Variants in SLC30A4 observed in about 807,000 individuals in gnomAD.
SLC30A4 encodes solute carrier family 30 member 4, also known as probable proton-coupled zinc antiporter SLC30A4.
In SLC30A4, 20 loss-of-function variants were observed where a neutral mutation model predicts 41.7. The observed-to-expected ratio is 0.48, with a 90% CI of 0.34 to 0.70. The LOEUF is 0.70. SLC30A4 is among the 30% of genes least tolerant of loss of function. The pLI, the probability that SLC30A4 is intolerant of heterozygous loss-of-function variation, is 0.01. For missense variants in SLC30A4, 441 were observed against 529.3 expected (o/e 0.83, Z 1.64); for synonymous variants, 181 against 195.9 (o/e 0.92, Z 0.64).
intron 2 of SLC30A4, among the ~76,000 whole-genome samples, chr15:45,513,075 G>A (rs1362883211): frequency 6.6e-6 from 1 of 151,932 alleles, no homozygotes; most frequent in Admixed American, 6.6e-5. Flanking sequence ...TGAGGCAGGC[G>A]GATCACCTGA....
intron 3 of SLC30A4, among the ~76,000 whole-genome samples, chr15:45,496,746 T>C (rs1321442635): frequency 6.6e-6 from 1 of 151,808 alleles, no homozygotes; most frequent in Non-Finnish European, 1.5e-5. Flanking sequence ...CTACAATCCC[T>C]GCACTTTGGG....
At chr15:45,485,815 G>A (rs1483041480) in intron 7 of SLC30A4, among the ~76,000 whole-genome samples, 2 of 151,546 alleles carry the variant, frequency 1.3e-5, no homozygotes, top group Non-Finnish European at 2.9e-5. Flanking sequence ...TGTCCTGAGT[G>A]CAAGCAATTC....
At chr15:45,517,142 ACT>A (rs1274161159) in intron 2 of SLC30A4, among the ~76,000 whole-genome samples, 2 of 151,004 alleles carry the variant, frequency 1.3e-5, no homozygotes, top group East Asian at 1.9e-4. Flanking sequence ...ACTTTGAAAT[ACT>A]CTCTTTTTTA....
intron 1 of SLC30A4, 34 bp downstream of exon 1, chr15:45,522,573 G>C (rs904547394): frequency 8.2e-6 from 4 of 485,676 alleles, no homozygotes; most frequent in Admixed American, 3.8e-5. Context: ...GCTCCGCCGG[G>C]GCTCCGCGAG....
chr15:45,494,514 A>G (rs569665585), intron 3 of SLC30A4, among the ~76,000 whole-genome samples: 21 of 152,064 alleles, frequency 1.4e-4, no homozygotes, highest in African/African-American at 4.1e-4. Flanking sequence ...GCAAAACCCC[A>G]TCTCTACTAA....
At chr15:45,508,876 CTTCT>C (rs1291456745) in intron 3 of SLC30A4, among the ~76,000 whole-genome samples, 1 of 152,124 alleles carries the variant, frequency 6.6e-6, no homozygotes, top group African/African-American at 2.4e-5. Context: ...ACACTAAGTA[CTTCT>C]TTAATATTTA....
intron 3 of SLC30A4, among the ~76,000 whole-genome samples, chr15:45,510,467 C>T (rs1480307710): frequency 3.9e-5 from 6 of 152,144 alleles, no homozygotes; most frequent in Non-Finnish European, 7.3e-5. Context: ...TAAATGTCAA[C>T]TTTTGGGTTC....
At position 45,483,583 on chromosome 15, in the gene SLC30A4, CACAT is replaced by C. The variant is rs1288405965; in HGVS notation, c.*1576_*1579del. On this transcript the variant is annotated 3_prime_UTR_variant, in exon 8 of 8. Transcript: ENST00000261867. ...TCCCTATCTAGTGCTTTAAAACACA[CACAT>C]ACAGGCCAGGCATGGTGGCTCATGC... is the stretch of plus-strand genomic sequence containing the variant. The C allele has an allele frequency of 6.6e-6, 1 of 152,098 alleles. No homozygotes were observed. The highest frequency in any genetic ancestry group is 1.5e-5 in the Non-Finnish European group (1 of 68,010). 9.4% of individuals were successfully genotyped at this position (152,098 alleles called of 1,614,324 possible).
chr15:45,520,994 G>A (rs946455124), intron 2 of SLC30A4: 9 of 466,268 alleles, frequency 1.9e-5, no homozygotes, highest in African/African-American at 1.4e-4. Context: ...CATGGCTGAA[G>A]CGAGCCCTGG....
rs58217872 is a variant in SLC30A4 at position 45,507,321 on chromosome 15, A to AAAATAAATAAATAAAT, written c.538+3801_538+3816dup. ...GGTGACACAGTGAGACTCTGTCTCA[A>AAAATAAATAAATAAAT]AAATAAATAAATAAATAAATAAATA... On this transcript the variant is annotated intron_variant, in intron 3 of 7. Transcript: ENST00000261867. Among the ~76,000 whole-genome samples, 108 of 141,022 alleles carry AAAATAAATAAATAAAT rather than the reference A, an allele frequency of 7.7e-4. 1 individual carries two copies. Among genetic ancestry groups the AAAATAAATAAATAAAT allele is most frequent in the East Asian group, 2.0e-3 (10 of 4,880 alleles). The allele number at this position is 141,022 out of a possible 152,430, so 92.5% of individuals were successfully genotyped here.
intron 3 of SLC30A4, among the ~76,000 whole-genome samples, chr15:45,501,494 G>A (rs548423530): frequency 2.1e-4 from 32 of 152,070 alleles, no homozygotes; most frequent in African/African-American, 7.2e-4. Flanking sequence ...GCCTGAATAC[G>A]CAAATTTATG....
At chr15:45,513,450 C>G (rs1892360853) in intron 2 of SLC30A4, among the ~76,000 whole-genome samples, 2 of 148,416 alleles carry the variant, frequency 1.3e-5, no homozygotes, top group African/African-American at 5.0e-5. Context: ...TTTTAATTAA[C>G]CTAAACTTAA....
At chr15:45,514,960 G>T (rs2140856345) in intron 2 of SLC30A4, among the ~76,000 whole-genome samples, 1 of 151,806 alleles carries the variant, frequency 6.6e-6, no homozygotes, top group Non-Finnish European at 1.5e-5. Context: ...GCTCACTGTG[G>T]CCTGGACCTC....
chr15:45,487,558 G>A lies in SLC30A4; in HGVS notation c.969C>T (p.Ile323=). Residue 323 remains isoleucine (I), a synonymous_variant, in exon 6 of 8, where the codon ATC becomes ATT. Transcript: ENST00000261867. The part of the protein sequence containing the change: ...SLLVAFTTFR[I]IWDTVVIILE... ...GTATTATAACTACTGTATCCCATATGATTCGAAATGTTGTAAAAGCCACAA... is the reference window on the plus strand; with the variant it reads ...GTATTATAACTACTGTATCCCATATAATTCGAAATGTTGTAAAAGCCACAA... 2 of 1,548,358 alleles carry A rather than the reference G, an allele frequency of 1.3e-6. No homozygotes were observed. Among genetic ancestry groups the A allele is most frequent in the Non-Finnish European group, 1.8e-6 (2 of 1,121,296 alleles).
intron 3 of SLC30A4, among the ~76,000 whole-genome samples, chr15:45,505,605 C>T (rs980431946): frequency 6.6e-6 from 1 of 152,110 alleles, no homozygotes; most frequent in African/African-American, 2.4e-5. Flanking sequence ...ATTTTCAAAC[C>T]AGAAGCTTCT....
intron 2 of SLC30A4, among the ~76,000 whole-genome samples, chr15:45,517,677 G>C (rs575195071): frequency 6.6e-6 from 1 of 151,718 alleles, no homozygotes; most frequent in African/African-American, 2.4e-5. Context: ...GGCCAGGCGC[G>C]GTGGCTCACG....
At position 45,481,516 on chromosome 15, in the gene SLC30A4, T is replaced by C. The variant is rs539867267; in HGVS notation, c.*3647A>G. ...TTATTTGCAAATACTAATTAAAATA[T>C]ATCACACCAAAGAACTGCCAAGTTT... On this transcript the variant is annotated 3_prime_UTR_variant, in exon 8 of 8. Transcript: ENST00000261867. 4 of 152,354 alleles carry C rather than the reference T, an allele frequency of 2.6e-5. No individual in the cohort carries two copies. In the South Asian group the frequency reaches 8.3e-4, roughly 32 times the overall value. 9.4% of individuals were successfully genotyped at this position (152,354 alleles called of 1,614,324 possible).
intron 7 of SLC30A4, among the ~76,000 whole-genome samples, chr15:45,486,092 G>A (rs995217439): frequency 2.0e-5 from 3 of 151,176 alleles, no homozygotes; most frequent in South Asian, 2.1e-4. Context: ...GCGCAATCTC[G>A]GCTCACTGCA....
intron 3 of SLC30A4, among the ~76,000 whole-genome samples, chr15:45,497,660 C>G (rs990344334): frequency 7.2e-5 from 11 of 152,020 alleles, no homozygotes; most frequent in Admixed American, 1.3e-4. Flanking sequence ...AGATGATTAT[C>G]AAGTTTTAAT....
Sources: gnomAD v4.1 joint callset for allele counts (sites outside exome capture counted in the v4.1 genomes callset) on GRCh38, gnomAD v4.1.1 for gene constraint, MANE v1.5 for transcripts, NCBI Gene and HGNC (gene_info 2026-07-23, HGNC 2026-07-21) for gene names.